FAM20A: variants seen among roughly 807,000 people sequenced by gnomAD.
FAM20A encodes FAM20A golgi associated secretory pathway pseudokinase, also known as pseudokinase FAM20A.
Under a neutral mutation model 52.0 loss-of-function variants are expected in FAM20A, and 42 were observed. That is an observed-to-expected ratio of 0.81 (90% CI 0.63 to 1.04). The LOEUF is 1.04. FAM20A is among the 50% of genes least tolerant of loss of function. The pLI, the probability that FAM20A is intolerant of heterozygous loss-of-function variation, is 0.00. For missense variants in FAM20A, 742 were observed against 712.7 expected, an observed-to-expected ratio of 1.04 and a Z score of -0.47; for synonymous variants, 304 against 298.9, an observed-to-expected ratio of 1.02 and a Z score of -0.18.
At chr17:68,567,822 TAGTG>T (rs1438052543) in intron 1 of FAM20A, among the ~76,000 whole-genome samples, 2 of 151,964 alleles carry the variant, frequency 1.3e-5, no homozygotes, top group Non-Finnish European at 2.9e-5. Flanking sequence ...GTTCTCATGA[TAGTG>T]AGTGAGTTCT....
chr17:68,567,481 G>A (rs866419605), intron 1 of FAM20A, among the ~76,000 whole-genome samples: 19 of 152,046 alleles, frequency 1.2e-4, no homozygotes, highest in African/African-American at 4.4e-4. Context: ...CATAGGTCAG[G>A]TTCTCCCTGA....
chr17:68,563,412 T>C (rs1288748000), intron 1 of FAM20A, among the ~76,000 whole-genome samples: 1 of 146,118 alleles, frequency 6.8e-6, no homozygotes, highest in Non-Finnish European at 1.5e-5. Flanking sequence ...AAAAGAAAGA[T>C]GCAAACCCCT....
intron 4 of FAM20A, among the ~76,000 whole-genome samples, chr17:68,546,715 A>G (rs1445261966): frequency 6.6e-6 from 1 of 151,840 alleles, no homozygotes; most frequent in Non-Finnish European, 1.5e-5. Context: ...CTGTAGTCCC[A>G]GCCACTCGGG....
chr17:68,555,413 G>A, intron 2 of FAM20A, 146 bp downstream of exon 2: 1 of 922,330 alleles, frequency 1.1e-6, no homozygotes, highest in Non-Finnish European at 1.8e-6. Flanking sequence ...TCTTCCAGAG[G>A]GAAAAAGATC....
At position 68,600,628 on chromosome 17, in the gene FAM20A, C is replaced by A. The variant is rs2907388; in HGVS notation, c.39G>T (p.Leu13=). Residue 13 remains leucine, a synonymous_variant, in exon 1 of 11, where the codon CTG becomes CTT. Transcript: ENST00000592554. This position sits in a 1 kb window ranked among gnomAD's most constrained non-coding sequence, Gnocchi z 6.2. Reference sequence around the variant, plus strand: ...CGGCGGAGAGCAGCGCGCCCAGCAGCAGCAGAGTCAGTAGGCGGTCCCGGC... The same window carrying A: ...CGGCGGAGAGCAGCGCGCCCAGCAGAAGCAGAGTCAGTAGGCGGTCCCGGC... ...GLRRDRLLTL[L]LLGALLSADL... 1.3e-6 allele frequency: 2 copies of A among 1,560,604 alleles called. No homozygotes were observed. Among genetic ancestry groups the A allele is most frequent in the South Asian group, 1.2e-5 (1 of 85,494 alleles).
chr17:68,552,665 C>CTTTTTTTTTTTTT lies in FAM20A; in HGVS notation c.641-715_641-714insAAAAAAAAAAAAA. 5.7e-4 allele frequency among the ~76,000 whole-genome samples: 63 copies of CTTTTTTTTTTTTT among 109,990 alleles called. 10 individuals carry two copies. The highest frequency in any genetic ancestry group is 1.9e-3 in the African/African-American group (59 of 30,994). The allele number at this position is 109,990 out of a possible 152,430, so 72.2% of individuals were successfully genotyped here. On this transcript the variant is annotated intron_variant, in intron 3 of 10. Transcript: ENST00000592554. ...CTGGAGCCCTGTAAACCTTTATTTT[C>CTTTTTTTTTTTTT]CTTTTTTTTTTTTTTTTTTTTTTTT...
chr17:68,556,679 TGA>T (rs1568745543), intron 1 of FAM20A, among the ~76,000 whole-genome samples: 3 of 152,094 alleles, frequency 2.0e-5, no homozygotes, highest in East Asian at 3.9e-4. Context: ...TATCTGGGGA[TGA>T]GAGAGGCAGG....
At chr17:68,544,727 TCAGGCCTGGC>T (rs1426703706) in intron 4 of FAM20A, among the ~76,000 whole-genome samples, 10 of 152,220 alleles carry the variant, frequency 6.6e-5, no homozygotes, top group Non-Finnish European at 1.2e-4. Flanking sequence ...CCCTCCGTGC[TCAGGCCTGGC>T]CAGCTTATCA....
chr17:68,545,063 C>T (rs1404610446), intron 4 of FAM20A, among the ~76,000 whole-genome samples: 1 of 152,166 alleles, frequency 6.6e-6, no homozygotes, highest in Non-Finnish European at 1.5e-5. Flanking sequence ...GTTCTACATT[C>T]TCTCTTTAAT....
intron 1 of FAM20A, among the ~76,000 whole-genome samples, chr17:68,560,680 C>G (rs1031317668): frequency 6.6e-6 from 1 of 152,114 alleles, no homozygotes; most frequent in Non-Finnish European, 1.5e-5. Flanking sequence ...GAGAGTGTAT[C>G]GGTATGATAA....
At chr17:68,580,007 T>TA (rs60840224) in intron 1 of FAM20A, among the ~76,000 whole-genome samples, 26,517 of 152,140 alleles carry the variant, frequency 0.17, 2,481 homozygotes, top group East Asian at 0.34. Flanking sequence ...CTATTAATAG[T>TA]TTGCATTTGC....
intron 1 of FAM20A, among the ~76,000 whole-genome samples, chr17:68,599,913 A>G (rs1282215324): frequency 6.6e-6 from 1 of 152,196 alleles, no homozygotes; most frequent in African/African-American, 2.4e-5. Flanking sequence ...ACATCAGGAC[A>G]GAGAGTGGGG....
chr17:68,578,838 C>A (rs1486141647), intron 1 of FAM20A, among the ~76,000 whole-genome samples: 43 of 36,038 alleles, frequency 1.2e-3, no homozygotes, highest in Admixed American at 2.9e-3. Flanking sequence ...CTAAAAATAC[C>A]AAAAAAAAAA....
At chr17:68,542,609 T>G (rs1600528124) in intron 6 of FAM20A, 85 bp downstream of exon 6, 1 of 997,470 alleles carries the variant, frequency 1.0e-6, no homozygotes, top group Non-Finnish European at 1.6e-6. Context: ...AGCAGCAGGG[T>G]GTCAGGCCAC....
chr17:68,554,195 A>G (rs1254284399), intron 3 of FAM20A, among the ~76,000 whole-genome samples: 2 of 151,916 alleles, frequency 1.3e-5, no homozygotes, highest in African/African-American at 2.4e-5. Flanking sequence ...CAGTGGCACG[A>G]TCTCAGTTCA....
intron 3 of FAM20A, among the ~76,000 whole-genome samples, chr17:68,552,483 T>G (rs1164230160): frequency 2.6e-5 from 4 of 152,152 alleles, no homozygotes; most frequent in South Asian, 2.1e-4. Flanking sequence ...AGTGAGTGCT[T>G]CTTAGGTGCA....
intron 1 of FAM20A, among the ~76,000 whole-genome samples, chr17:68,564,119 A>G (rs1423191604): frequency 2.7e-5 from 4 of 150,642 alleles, no homozygotes; most frequent in Non-Finnish European, 4.4e-5. Context: ...TGTCGTTGCT[A>G]TGAACACGAT....
At chr17:68,546,747 G>A (rs531534531) in intron 4 of FAM20A, among the ~76,000 whole-genome samples, 5 of 150,994 alleles carry the variant, frequency 3.3e-5, no homozygotes, top group Non-Finnish European at 4.4e-5. Flanking sequence ...GGAGAATGGC[G>A]TGAACCCGGG....
intron 1 of FAM20A, among the ~76,000 whole-genome samples, chr17:68,588,249 C>T (rs1200958697): frequency 2.0e-5 from 3 of 152,232 alleles, no homozygotes. Flanking sequence ...AGGCTCCAGA[C>T]TGTCTCATCT....
Sources: gnomAD v4.1 joint callset for allele counts (sites outside exome capture counted in the v4.1 genomes callset) on GRCh38, gnomAD v4.1.1 for gene constraint, Gnocchi (gnomAD v3.1) non-coding constraint, MANE v1.5 for transcripts, NCBI Gene and HGNC (gene_info 2026-07-23, HGNC 2026-07-21) for gene names.